The following ZBTB40 variants were observed in gnomAD, a reference collection of about 807,000 sequenced individuals.
ZBTB40 encodes zinc finger and BTB domain containing 40.
In ZBTB40, 60 loss-of-function variants were observed where a neutral mutation model predicts 117.5. The observed-to-expected ratio is 0.51, with a 90% CI of 0.41 to 0.63. ZBTB40 has a LOEUF of 0.63. ZBTB40 is among the 30% of genes least tolerant of loss of function. The pLI is 0.00. For missense variants in ZBTB40, 1,287 were observed against 1,498.5 expected (o/e 0.86, Z 2.33); for synonymous variants, 525 against 577.1 (o/e 0.91, Z 1.29).
intron 3 of ZBTB40, among the ~76,000 whole-genome samples, chr1:22,499,250 A>G (rs1178593413): frequency 2.0e-5 from 3 of 152,204 alleles, no homozygotes; most frequent in Non-Finnish European, 4.4e-5. Context: ...AGCTCACAAC[A>G]TGGCAGCTTG....
rs1258977668 is a variant in ZBTB40, at chr1:22,511,856, C to T, written c.2183C>T (p.Ser728Phe). Residue 728 changes from serine (S) to phenylalanine (F), a missense_variant, in exon 11 of 18, where the codon TCC becomes TTC. Coordinates refer to ENST00000375647, the MANE Select transcript of ZBTB40 (RefSeq NM_014870.4). ...CAGCAAGAGAAAGAGGCTTCAGCCT[C>T]CCCAGACCCTGCCAAGAAGAGCTTC... is the stretch of plus-strand genomic sequence containing the variant. ...PGQQEKEASA[S>F]PDPAKKSFIC... 1.2e-6 allele frequency: 2 copies of T among 1,614,128 alleles called. No homozygotes were observed. Among genetic ancestry groups the T allele is most frequent in the Admixed American group, 1.7e-5 (1 of 60,028 alleles).
intron 16 of ZBTB40, among the ~76,000 whole-genome samples, chr1:22,523,309 G>A (rs1639591016): frequency 6.6e-6 from 1 of 152,096 alleles, no homozygotes; most frequent in Non-Finnish European, 1.5e-5. Flanking sequence ...GTTAAACTGT[G>A]CTTTCTTATC....
chr1:22,431,061 TC>T (rs1272032623), intron 1 of ZBTB40, among the ~76,000 whole-genome samples: 1 of 151,840 alleles, frequency 6.6e-6, no homozygotes, highest in Non-Finnish European at 1.5e-5. Context: ...ATGTTCTGTA[TC>T]CTTGCTTTTG....
chr1:22,512,019 C>G lies in ZBTB40; in HGVS notation c.2346C>G (p.Asp782Glu). Residue 782 changes from aspartate (D) to glutamate (E), a missense_variant, in exon 11 of 18, where the codon GAC becomes GAG. Asp to Glu is a conservative substitution (Grantham distance 45). Transcript: ENST00000375647. The stretch of plus-strand genomic sequence containing the variant: ...CCAAGGATTCAAAGAAAGAGCTGGA[C>G]AAACATCAGCTGGAGGCCCATGGTG... ...SETKDSKKEL[D>E]KHQLEAHGAG... The G allele has an allele frequency of 6.2e-7, 1 of 1,614,152 alleles. No individual in the cohort carries two copies. Among genetic ancestry groups the G allele is most frequent in the Non-Finnish European group, 8.5e-7 (1 of 1,180,044 alleles).
intron 11 of ZBTB40, among the ~76,000 whole-genome samples, chr1:22,512,605 A>G (rs1639270389): frequency 6.6e-6 from 1 of 152,230 alleles, no homozygotes; most frequent in African/African-American, 2.4e-5. Context: ...AATGAAATAT[A>G]AAAGCAAGTT....
intron 1 of ZBTB40, among the ~76,000 whole-genome samples, chr1:22,454,525 T>C (rs945202456): frequency 1.2e-4 from 18 of 152,146 alleles, no homozygotes; most frequent in African/African-American, 4.3e-4. Flanking sequence ...TGAAACTTGT[T>C]GAGTGACAAG....
Position 22,506,184 on chromosome 1 carries a change from A to T in ZBTB40, c.1303A>T (p.Asn435Tyr). Residue 435 changes from asparagine (N) to tyrosine (Y), a missense_variant, in exon 6 of 18, where the codon AAC becomes TAC. Physicochemically the swap from Asn to Tyr is moderately radical, Grantham distance 143 (BLOSUM62 -2). Coordinates refer to ENST00000375647, the MANE Select transcript of ZBTB40 (RefSeq NM_014870.4). ...LLQAVKTTFP[N>Y]LGLLLEKLQK... ...CCAGGCTGTGAAGACGACTTTCCCAAACCTGGGCCTTCTGCTAGAGAAGTT... is the reference window on the plus strand; with the variant it reads ...CCAGGCTGTGAAGACGACTTTCCCATACCTGGGCCTTCTGCTAGAGAAGTT... 1 of 1,614,152 alleles carries T rather than the reference A, an allele frequency of 6.2e-7. No homozygotes were observed. Among genetic ancestry groups the T allele is most frequent in the Non-Finnish European group, 8.5e-7 (1 of 1,180,008 alleles).
rs925340042 is a variant in ZBTB40 at position 22,527,512 on chromosome 1, A to G, written c.*1116A>G. Reference sequence around the variant, plus strand: ...GTTTGTGGAATCCATTATGAAGTGCAATTAGATAGATGTAGGTTCCTGCCG... The same window carrying G: ...GTTTGTGGAATCCATTATGAAGTGCGATTAGATAGATGTAGGTTCCTGCCG... On this transcript the variant is annotated 3_prime_UTR_variant, in exon 18 of 18. Transcript: ENST00000375647. 6.6e-6 allele frequency: 1 copy of G among 152,420 alleles called. No individual in the cohort carries two copies. Among genetic ancestry groups the G allele is most frequent in the South Asian group, 2.1e-4 (1 of 4,836 alleles). 9.4% of individuals were successfully genotyped at this position (152,420 alleles called of 1,614,324 possible). A position where few individuals can be genotyped will look rare whatever the true frequency, so the allele number is the denominator to read the frequency against.
chr1:22,488,237 C>G (rs1277114622), intron 1 of ZBTB40, among the ~76,000 whole-genome samples: 1 of 152,170 alleles, frequency 6.6e-6, no homozygotes, highest in Non-Finnish European at 1.5e-5. Flanking sequence ...ATTTTAAGCA[C>G]TGGGATACAG....
In ZBTB40 at chr1:22,511,685, C is replaced by G. The variant is rs1557517613; in HGVS notation, c.2012C>G (p.Thr671Ser). ...TGTCTCTTTTATGCAGGTGTCCTTA[C>G]TAAGGAAGATGGAGAGAAGGAAACG... ...MQELAYIGVL[T>S]KEDGEKETWK... The change falls in exon 11 of 18, where the codon ACT (threonine) becomes AGT (serine). Residue 671 changes from threonine (T) to serine (S), a missense_variant. This residue lies in a region of ZBTB40 where 870 missense variants were observed against 934.4 expected (regional missense o/e 0.93). Transcript: ENST00000375647. The G allele has an allele frequency of 6.2e-7, 1 of 1,610,726 alleles. No individual in the cohort carries two copies. Among genetic ancestry groups the G allele is most frequent in the Middle Eastern group, 1.7e-4 (1 of 6,046 alleles).
chr1:22,505,091 T>A (rs1639042822), intron 5 of ZBTB40, among the ~76,000 whole-genome samples: 1 of 152,168 alleles, frequency 6.6e-6, no homozygotes, highest in African/African-American at 2.4e-5. Context: ...AAAGCTAAAA[T>A]CATTATTTTA....
upstream of ZBTB40, among the ~76,000 whole-genome samples, chr1:22,450,796 C>T (rs1203153492): frequency 6.6e-6 from 1 of 152,122 alleles, no homozygotes; most frequent in Non-Finnish European, 1.5e-5. Context: ...AGTCAGTCAG[C>T]CAGAGACAGC....
chr1:22,463,006 CTG>C (rs35140766), intron 1 of ZBTB40, among the ~76,000 whole-genome samples: 43,659 of 152,048 alleles, frequency 0.29, 7,642 homozygotes, highest in East Asian at 0.45. Context: ...CATTTAGTGA[CTG>C]TTAACAGTGT....
intron 13 of ZBTB40, among the ~76,000 whole-genome samples, chr1:22,518,657 T>C (rs1422496330): frequency 6.6e-6 from 1 of 152,204 alleles, no homozygotes; most frequent in Non-Finnish European, 1.5e-5. Context: ...GCAAGGACTT[T>C]GCCAAAGCTC....
At position 22,490,002 on chromosome 1, in the gene ZBTB40, C is replaced by T; in HGVS notation, c.54C>T (p.Cys18=). ...RQLLQQLYTL[C]KEQQFCDCTI... ...TGCTGCAGCAGCTGTACACTCTGTG[C>T]AAGGAGCAGCAGTTCTGTGATTGCA... Residue 18 remains cysteine (C), a synonymous_variant, in exon 2 of 18, where the codon TGC becomes TGT. Transcript: ENST00000375647. The T allele has an allele frequency of 6.2e-7, 1 of 1,613,826 alleles. No homozygotes were observed. Among genetic ancestry groups the T allele is most frequent in the Non-Finnish European group, 8.5e-7 (1 of 1,180,020 alleles).
At chr1:22,449,276 T>C (rs1247182490), upstream of ZBTB40, among the ~76,000 whole-genome samples, 1 of 152,130 alleles carries the variant, frequency 6.6e-6, no homozygotes, top group Non-Finnish European at 1.5e-5. Flanking sequence ...AGAAAAAAAG[T>C]TGAAAAGTTC....
intron 1 of ZBTB40, among the ~76,000 whole-genome samples, chr1:22,432,304 T>A (rs1640602562): frequency 6.6e-6 from 1 of 152,156 alleles, no homozygotes; most frequent in African/African-American, 2.4e-5. Flanking sequence ...CACTCCCCAA[T>A]GAGGTCTGCA....
chr1:22,508,810 T>A (rs1639148565), intron 8 of ZBTB40, 79 bp downstream of exon 8: 3 of 1,439,360 alleles, frequency 2.1e-6, no homozygotes, highest in Non-Finnish European at 2.9e-6. Context: ...GGAAGAGCTC[T>A]CTTAACGGTA....
At chr1:22,524,147 G>C in intron 16 of ZBTB40, 71 bp from the exon 17 acceptor site, 1 of 1,428,672 alleles carries the variant, frequency 7.0e-7, no homozygotes, top group Middle Eastern at 1.7e-4. Flanking sequence ...ATGTCTTCCT[G>C]CCCTCATTTC....
Sources: allele counts gnomAD v4.1 joint callset (sites outside exome capture counted in the v4.1 genomes callset), GRCh38; gene constraint gnomAD v4.1.1; regional missense constraint gnomAD v4.1.1; transcripts MANE v1.5; gene names NCBI Gene and HGNC (gene_info 2026-07-23, HGNC 2026-07-21).